The following AFG2A variants were observed in gnomAD, a reference collection of about 807,000 sequenced individuals.
The protein encoded by AFG2A is ATPase family gene 2 protein homolog A.
the AFG2A span, among the ~76,000 whole-genome samples, chr4:123,101,017 A>T: frequency 6.6e-6 from 1 of 151,960 alleles, no homozygotes; most frequent in Non-Finnish European, 1.5e-5. Flanking sequence ...AGATTTGATT[A>T]ATCTTCCCAA....
At chr4:123,038,766 A>G in the AFG2A span, among the ~76,000 whole-genome samples, 1 of 152,076 alleles carries the variant, frequency 6.6e-6, no homozygotes, top group African/African-American at 2.4e-5. Flanking sequence ...TTTTCTTCAC[A>G]GTGCCAGATT....
the AFG2A span, among the ~76,000 whole-genome samples, chr4:123,070,156 T>G: frequency 6.6e-6 from 1 of 152,352 alleles, no homozygotes; most frequent in African/African-American, 2.4e-5. Context: ...AATATTTATG[T>G]ATCACACACC....
At chr4:123,197,812 C>T in the AFG2A span, among the ~76,000 whole-genome samples, 249 of 151,626 alleles carry the variant, frequency 1.6e-3, 1 homozygote, top group Middle Eastern at 0.014. Flanking sequence ...CATACTTTAC[C>T]TTCATGGATG....
chr4:123,182,171 A>C, the AFG2A span, among the ~76,000 whole-genome samples: 1 of 152,236 alleles, frequency 6.6e-6, no homozygotes, highest in African/African-American at 2.4e-5. Context: ...AAAGCACAAA[A>C]CATTAAATCA....
chr4:123,124,652 A>C, the AFG2A span, among the ~76,000 whole-genome samples: 2 of 152,332 alleles, frequency 1.3e-5, no homozygotes, highest in Non-Finnish European at 2.9e-5. Context: ...ACAACAACAA[A>C]AAAAACCATG....
At chr4:123,102,408 T>G in the AFG2A span, 1 of 152,004 alleles carries the variant, frequency 6.6e-6, no homozygotes, top group Non-Finnish European at 1.5e-5. Flanking sequence ...TTAAAATTTA[T>G]TACTCTTTGA....
the AFG2A span, among the ~76,000 whole-genome samples, chr4:123,101,835 A>G: frequency 6.6e-4 from 101 of 152,068 alleles, no homozygotes; most frequent in Admixed American, 4.0e-3. Flanking sequence ...GATAGGGGCC[A>G]GAGTGCCTTA....
chr4:123,007,842 A>T, the AFG2A span, among the ~76,000 whole-genome samples: 2 of 151,700 alleles, frequency 1.3e-5, no homozygotes. Context: ...GTGACCTGTG[A>T]ACTTTTTCCA....
At chr4:123,182,421 A>G in the AFG2A span, among the ~76,000 whole-genome samples, 1 of 152,150 alleles carries the variant, frequency 6.6e-6, no homozygotes, top group African/African-American at 2.4e-5. Context: ...AACTAACCCA[A>G]TGGTATCAAA....
chr4:123,067,440 C>A, the AFG2A span, among the ~76,000 whole-genome samples: 1 of 151,942 alleles, frequency 6.6e-6, no homozygotes, highest in African/African-American at 2.4e-5. Context: ...TCGCTTGAAC[C>A]CGGGAGGTGT....
chr4:123,062,578 G>A, the AFG2A span, among the ~76,000 whole-genome samples: 20 of 152,110 alleles, frequency 1.3e-4, no homozygotes, highest in African/African-American at 4.6e-4. Context: ...AAGCCATATG[G>A]TATAGCAATA....
chr4:123,165,098 C>CA, the AFG2A span, among the ~76,000 whole-genome samples: 1 of 151,932 alleles, frequency 6.6e-6, no homozygotes, highest in African/African-American at 2.4e-5. Context: ...TTTGGCTTTA[C>CA]AAAAATTCCT....
At chr4:123,177,027 T>C in the AFG2A span, among the ~76,000 whole-genome samples, 2 of 152,226 alleles carry the variant, frequency 1.3e-5, no homozygotes, top group Non-Finnish European at 2.9e-5. Context: ...TAGCTTTAAA[T>C]GTACCCAAAA....
chr4:123,142,420 G>A, the AFG2A span, among the ~76,000 whole-genome samples: 9 of 151,994 alleles, frequency 5.9e-5, no homozygotes, highest in African/African-American at 1.7e-4. Flanking sequence ...GTGAATGTTC[G>A]TCATATAAAT....
At chr4:123,187,229 G>A in the AFG2A span, among the ~76,000 whole-genome samples, 12 of 152,026 alleles carry the variant, frequency 7.9e-5, no homozygotes, top group African/African-American at 1.9e-4. Context: ...TTGTGTTTAC[G>A]GTACTCTCCG....
At chr4:122,938,554 T>C in the AFG2A span, among the ~76,000 whole-genome samples, 1 of 152,166 alleles carries the variant, frequency 6.6e-6, no homozygotes, top group African/African-American at 2.4e-5. Flanking sequence ...AAGGAAGATT[T>C]AGCAGTTAAA....
the AFG2A span, among the ~76,000 whole-genome samples, chr4:123,261,606 G>A: frequency 6.6e-6 from 1 of 151,914 alleles, no homozygotes; most frequent in Non-Finnish European, 1.5e-5. Context: ...GGGGCTCCTG[G>A]AACCAATTGC....
the AFG2A span, among the ~76,000 whole-genome samples, chr4:123,210,647 G>A: frequency 1.3e-5 from 2 of 152,006 alleles, no homozygotes; most frequent in Non-Finnish European, 2.9e-5. Flanking sequence ...AATAAACATG[G>A]GAGTACAGAT....
the AFG2A span, among the ~76,000 whole-genome samples, chr4:123,147,810 C>G: frequency 3.3e-5 from 5 of 151,996 alleles, no homozygotes; most frequent in African/African-American, 1.2e-4. Flanking sequence ...TTATATTTTC[C>G]AAAAATCATT....
Sources: gnomAD v4.1 joint callset for allele counts (sites outside exome capture counted in the v4.1 genomes callset) on GRCh38, gnomAD v4.1.1 for gene constraint, MANE v1.5 for transcripts, NCBI Gene and HGNC (gene_info 2026-07-23, HGNC 2026-07-21) for gene names.